ZUP1: variants seen among roughly 807,000 people sequenced by gnomAD.
ZUP1 encodes the protein zinc finger-containing ubiquitin peptidase 1.
Under a neutral mutation model 68.1 loss-of-function variants are expected in ZUP1, and 55 were observed. That is an observed-to-expected ratio of 0.81 (90% confidence interval 0.65 to 1.01). The LOEUF (loss-of-function observed/expected upper bound fraction) is 1.01, where lower values mean the gene tolerates loss of function less well. Ranked by LOEUF, ZUP1 falls within the 50% of genes least tolerant of loss-of-function variation. The pLI is 0.00. For synonymous variants in ZUP1, 223 were observed against 221.5 expected, an observed-to-expected ratio of 1.01 and a Z score of -0.06; for missense variants, 684 against 674.9, an observed-to-expected ratio of 1.01 and a Z score of -0.15.
At chr6:116,655,796 G>A (rs751815845) in intron 5 of ZUP1, among the ~76,000 whole-genome samples, 10 of 152,156 alleles carry the variant, frequency 6.6e-5, no homozygotes, top group Non-Finnish European at 1.3e-4. Context: ...GATGTTTTGA[G>A]TTAAATGATA....
chr6:116,641,089 A>C (rs993467142), intron 9 of ZUP1, among the ~76,000 whole-genome samples: 1 of 140,530 alleles, frequency 7.1e-6, no homozygotes, highest in African/African-American at 3.1e-5. Context: ...AAAGAGACAA[A>C]GGAGGCCATT....
At position 116,660,838 on chromosome 6, in the gene ZUP1, G is replaced by C. The variant is rs1177940625; in HGVS notation, c.568C>G (p.Gln190Glu). ...LLDIPLEDCD[Q>E]PLYDCPMCGL... Reference sequence around the variant, plus strand: ...CACATAGGACAATCATAGAGTGGTTGATCACAGTCTGTATCAGAGATATAA... The same window carrying C: ...CACATAGGACAATCATAGAGTGGTTCATCACAGTCTGTATCAGAGATATAA... The change falls in exon 3 of 10, where the codon CAA (glutamine) becomes GAA (glutamate). Residue 190 changes from glutamine (Q) to glutamate (E), a missense_variant. Coordinates refer to ENST00000368576, the MANE Select transcript of ZUP1 (RefSeq NM_145062.3). 1.3e-6 allele frequency: 2 copies of C among 1,536,430 alleles called. No individual in the cohort carries two copies. Among genetic ancestry groups the C allele is most frequent in the East Asian group, 2.3e-5 (1 of 43,852 alleles).
intron 9 of ZUP1, among the ~76,000 whole-genome samples, chr6:116,645,343 G>A (rs925200082): frequency 6.6e-6 from 1 of 152,098 alleles, no homozygotes; most frequent in Admixed American, 6.5e-5. Flanking sequence ...CACTTTGGGA[G>A]GCTGAGGTGG....
At chr6:116,660,968 C>G in intron 2 of ZUP1, 122 bp from the exon 3 acceptor site, 1 of 575,868 alleles carries the variant, frequency 1.7e-6, no homozygotes. Flanking sequence ...GGCACCATCA[C>G]GGCTCACTGC....
intron 2 of ZUP1, among the ~76,000 whole-genome samples, chr6:116,663,558 TC>T (rs1776907437): frequency 6.6e-6 from 1 of 152,212 alleles, no homozygotes; most frequent in Non-Finnish European, 1.5e-5. Context: ...TTGTTTTTTT[TC>T]CTTGCAGCAG....
chr6:116,645,650 TAA>T (rs1776270027), intron 9 of ZUP1, 62 bp downstream of exon 9: 1 of 1,160,358 alleles, frequency 8.6e-7, no homozygotes, highest in African/African-American at 1.6e-5. Context: ...GATTTTAAAC[TAA>T]AAGTTTTAAA....
Position 116,635,688 on chromosome 6 carries a change from T to G in ZUP1, c.*144A>C, listed in dbSNP as rs1775892231. The G allele has an allele frequency of 1.8e-6, 1 of 547,068 alleles. No individual in the cohort carries two copies. The highest frequency in any genetic ancestry group is 3.5e-5 in the East Asian group (1 of 28,884). The allele number at this position is 547,068 out of a possible 1,614,324, so 33.9% of individuals were successfully genotyped here. ...ATGAAGTATGATAGGTATAATTCAA[T>G]TAACACAGGCATTTTAGAAATTAAA... On this transcript the variant is annotated 3_prime_UTR_variant, in exon 10 of 10. Transcript: ENST00000368576.
Position 116,649,962 on chromosome 6 carries a change from T to C in ZUP1, c.1316+1610A>G, listed in dbSNP as rs184592265. On this transcript the variant is annotated intron_variant, in intron 7 of 9. Coordinates refer to ENST00000368576, the MANE Select transcript of ZUP1 (RefSeq NM_145062.3). ...AAATGCAGGCAATAGAAAGAAAACA[T>C]TGGAAGAAATTTTGCAACCATAAAG... Among the ~76,000 whole-genome samples the C allele has an allele frequency of 2.7e-4, 41 of 152,198 alleles. 2 individuals carry two copies. The East Asian group carries it at 6.9e-3, about 26-fold the overall frequency.
chr6:116,636,364 G>C (rs1381540189), intron 9 of ZUP1, among the ~76,000 whole-genome samples: 2 of 152,152 alleles, frequency 1.3e-5, no homozygotes, highest in African/African-American at 4.8e-5. Context: ...AAATCAAGCT[G>C]AGAATACAAG....
At chr6:116,644,998 A>G (rs962252668) in intron 9 of ZUP1, among the ~76,000 whole-genome samples, 22 of 152,096 alleles carry the variant, frequency 1.4e-4, no homozygotes, top group Non-Finnish European at 3.1e-4. Context: ...TACAAGGCTA[A>G]ATTGTAAGGT....
chr6:116,658,990 T>C (rs895834592), intron 3 of ZUP1, 66 bp from the exon 4 acceptor site: 2 of 1,328,842 alleles, frequency 1.5e-6, no homozygotes, highest in Non-Finnish European at 2.0e-6. Flanking sequence ...TATTATTTAA[T>C]ATATGTTTTT....
chr6:116,668,002 A>G (rs1268584320), intron 1 of ZUP1, among the ~76,000 whole-genome samples: 1 of 145,142 alleles, frequency 6.9e-6, no homozygotes, highest in Non-Finnish European at 1.5e-5. Flanking sequence ...CTGACTACTG[A>G]CATAAAAGTG....
At chr6:116,649,790 G>T (rs1231750217) in intron 7 of ZUP1, among the ~76,000 whole-genome samples, 1 of 152,164 alleles carries the variant, frequency 6.6e-6, no homozygotes, top group Non-Finnish European at 1.5e-5. Flanking sequence ...GCTCTGTGCA[G>T]TCCTACAGCA....
chr6:116,651,619 C>G lies in ZUP1; in HGVS notation c.1269G>C (p.Trp423Cys). The G allele has an allele frequency of 1.2e-6, 2 of 1,613,850 alleles. No individual in the cohort carries two copies. The highest frequency in any genetic ancestry group is 8.5e-7 in the Non-Finnish European group (1 of 1,179,804). ...GTATATATACTTCACATGCTCCAAT[C>G]CAGGCCTTTGTTCCCTGTAACCTGT... ...LNNRLQGTKAWIGACEVYILL... is the reference protein window; with the variant it reads ...LNNRLQGTKACIGACEVYILL... The change falls in exon 7 of 10, where the codon TGG becomes TGC. Residue 423 changes from tryptophan (W) to cysteine (C), a missense_variant. Trp to Cys is a radical substitution (Grantham distance 215). Transcript: ENST00000368576.
chr6:116,644,795 T>G (rs989267495), intron 9 of ZUP1, among the ~76,000 whole-genome samples: 1 of 151,672 alleles, frequency 6.6e-6, no homozygotes, highest in African/African-American at 2.4e-5. Flanking sequence ...CATATGTAAC[T>G]AACCTGCACA....
intron 9 of ZUP1, among the ~76,000 whole-genome samples, chr6:116,637,378 A>T (rs564637865): frequency 1.8e-4 from 28 of 152,326 alleles, no homozygotes; most frequent in African/African-American, 6.5e-4. Flanking sequence ...CCCATAGTAC[A>T]GAATAAGCAT....
At chr6:116,666,215 AGCTC>A (rs1270355706) in intron 2 of ZUP1, among the ~76,000 whole-genome samples, 3 of 152,188 alleles carry the variant, frequency 2.0e-5, no homozygotes, top group Non-Finnish European at 4.4e-5. Flanking sequence ...TGACCAAGAT[AGCTC>A]GTGTCTTGAG....
chr6:116,665,991 G>A (rs1266681030), intron 2 of ZUP1, among the ~76,000 whole-genome samples: 1 of 152,026 alleles, frequency 6.6e-6, no homozygotes, highest in Non-Finnish European at 1.5e-5. Context: ...AAACCTGACA[G>A]AGCTGAAAGG....
chr6:116,664,797 A>T (rs1228630471), intron 2 of ZUP1, among the ~76,000 whole-genome samples: 1 of 152,158 alleles, frequency 6.6e-6, no homozygotes, highest in Admixed American at 6.5e-5. Flanking sequence ...ATTATAAATC[A>T]GAGATATATC....
Sources: gnomAD v4.1 joint callset for allele counts (sites outside exome capture counted in the v4.1 genomes callset) on GRCh38, gnomAD v4.1.1 for gene constraint, MANE v1.5 for transcripts, NCBI Gene and HGNC (gene_info 2026-07-23, HGNC 2026-07-21) for gene names.